Variants in ABHD17B observed in about 807,000 individuals in gnomAD.
ABHD17B encodes alpha/beta hydrolase domain-containing protein 17B.
In ABHD17B, 9 loss-of-function variants were observed where a neutral mutation model predicts 26.2. The ratio of observed to expected loss-of-function variants is 0.34; its 90% CI spans 0.21 to 0.60. The LOEUF (loss-of-function observed/expected upper bound fraction) is 0.60, where lower values mean the gene tolerates loss of function less well. Ranked by LOEUF, ABHD17B falls within the 20% of genes least tolerant of loss-of-function variation. The pLI is 0.80. For missense variants in ABHD17B, 224 were observed against 352.1 expected (o/e 0.64, Z 2.91); for synonymous variants, 127 against 122.3 (o/e 1.04, Z -0.25).
At chr9:71,907,510 T>C (rs1827319845) in intron 1 of ABHD17B, among the ~76,000 whole-genome samples, 1 of 151,974 alleles carries the variant, frequency 6.6e-6, no homozygotes, top group South Asian at 2.1e-4. Flanking sequence ...GAAACCTCGT[T>C]TTTTGTTTTT....
chr9:71,868,253 C>G (rs974548844), intron 3 of ABHD17B, among the ~76,000 whole-genome samples: 2 of 151,748 alleles, frequency 1.3e-5, no homozygotes, highest in Non-Finnish European at 2.9e-5. Flanking sequence ...AAAGAAAGAG[C>G]CTTCTTTGGA....
intron 1 of ABHD17B, among the ~76,000 whole-genome samples, chr9:71,889,018 A>T (rs1412530636): frequency 6.8e-6 from 1 of 146,244 alleles, no homozygotes; most frequent in Non-Finnish European, 1.5e-5. Flanking sequence ...GACAAAGTTT[A>T]AAAAAAAAAA....
intron 1 of ABHD17B, among the ~76,000 whole-genome samples, chr9:71,882,872 G>A (rs531189241): frequency 5.6e-4 from 85 of 152,104 alleles, no homozygotes; most frequent in African/African-American, 1.9e-3. Flanking sequence ...ATTGCCGGGC[G>A]CAGTGGTTCA....
chr9:71,874,802 A>C lies in ABHD17B; in HGVS notation c.279T>G (p.Thr93=). ...CAGCATTTCCATGTGAGAAGAGTAAAGTGTATTTCGCATTGGGTGAACAAC... is the reference window on the plus strand; with the variant it reads ...CAGCATTTCCATGTGAGAAGAGTAACGTGTATTTCGCATTGGGTGAACAAC... ...FVRCSPNAKY[T]LLFSHGNAVD... Residue 93 remains threonine, a synonymous_variant, in exon 2 of 4, where the codon ACT becomes ACG. Coordinates refer to ENST00000333421, the MANE Select transcript of ABHD17B (RefSeq NM_001025780.3). 6.2e-7 allele frequency: 1 copy of C among 1,614,212 alleles called. No individual in the cohort carries two copies. Among genetic ancestry groups the C allele is most frequent in the Non-Finnish European group, 8.5e-7 (1 of 1,180,024 alleles).
intron 1 of ABHD17B, among the ~76,000 whole-genome samples, chr9:71,879,635 A>T (rs1349764672): frequency 6.6e-6 from 1 of 152,218 alleles, no homozygotes; most frequent in Non-Finnish European, 1.5e-5. Flanking sequence ...AAGAGCAGAT[A>T]TCAACAAAAC....
chr9:71,894,717 T>C lies in ABHD17B; in HGVS notation c.-4+15917A>G, dbSNP rs182397429. On this transcript the variant is annotated intron_variant, in intron 1 of 3. Coordinates refer to ENST00000333421, the MANE Select transcript of ABHD17B (RefSeq NM_001025780.3). ...AGGTGTGGTGGCTCATGCCAGCTACTTGGGTGGCTGAGGTAGGAGAATACT... is the reference window on the plus strand; with the variant it reads ...AGGTGTGGTGGCTCATGCCAGCTACCTGGGTGGCTGAGGTAGGAGAATACT... Among the ~76,000 whole-genome samples the C allele has an allele frequency of 5.4e-3, 815 of 152,240 alleles. 6 individuals carry two copies. Among genetic ancestry groups the C allele is most frequent in the African/African-American group, 0.019 (774 of 41,528 alleles).
chr9:71,900,638 T>A (rs1416612101), intron 1 of ABHD17B, among the ~76,000 whole-genome samples: 3 of 110,000 alleles, frequency 2.7e-5, no homozygotes, highest in Non-Finnish European at 5.3e-5. Flanking sequence ...GGCGACAGAG[T>A]GAGACTCCAT....
chr9:71,905,668 T>A (rs937748475), intron 1 of ABHD17B, among the ~76,000 whole-genome samples: 3 of 152,172 alleles, frequency 2.0e-5, no homozygotes, highest in African/African-American at 7.2e-5. Flanking sequence ...TTGGCTACTA[T>A]AATGAATGAG....
downstream of ABHD17B, among the ~76,000 whole-genome samples, chr9:71,862,995 T>C (rs1310348460): frequency 1.3e-5 from 2 of 151,738 alleles, no homozygotes; most frequent in Admixed American, 6.6e-5. Flanking sequence ...TATATATTTA[T>C]AGAAATCACC....
At chr9:71,910,359 C>CT (rs1491167777) in intron 1 of ABHD17B, among the ~76,000 whole-genome samples, 1 of 152,002 alleles carries the variant, frequency 6.6e-6, no homozygotes, top group Non-Finnish European at 1.5e-5. Flanking sequence ...CCCCCACCCC[C>CT]TGACTCCGGC....
intron 1 of ABHD17B, among the ~76,000 whole-genome samples, chr9:71,892,985 G>A (rs1263846316): frequency 2.0e-5 from 3 of 152,098 alleles, no homozygotes; most frequent in African/African-American, 7.2e-5. Flanking sequence ...TTGTCTCTAT[G>A]AATTTGACTA....
chr9:71,872,952 G>T (rs1294686830), intron 2 of ABHD17B, among the ~76,000 whole-genome samples: 1 of 151,600 alleles, frequency 6.6e-6, no homozygotes, highest in Non-Finnish European at 1.5e-5. Flanking sequence ...TTCGCTATGA[G>T]AGCATAACTT....
Position 71,906,952 on chromosome 9 carries a change from C to T in ABHD17B, c.-4+3682G>A, listed in dbSNP as rs188134044. On this transcript the variant is annotated intron_variant, in intron 1 of 3. Transcript: ENST00000333421. ...CTAATCTTGAATGTAGTCTTGAGCTCGAGTATTTACAAAGTGAAACACATA... is the reference window on the plus strand; with the variant it reads ...CTAATCTTGAATGTAGTCTTGAGCTTGAGTATTTACAAAGTGAAACACATA... Among the ~76,000 whole-genome samples the T allele has an allele frequency of 1.6e-3, 237 of 152,190 alleles. 1 individual carries two copies. Among genetic ancestry groups the T allele is most frequent in the Non-Finnish European group, 2.4e-4 (16 of 68,030 alleles).
At chr9:71,862,590 T>C, downstream of ABHD17B, 1 of 1,371,764 alleles carries the variant, frequency 7.3e-7, no homozygotes, top group African/African-American at 1.4e-5. Flanking sequence ...ATCACTTCCC[T>C]TCTTTATGTT....
chr9:71,874,221 G>A (rs2132136905), intron 2 of ABHD17B, among the ~76,000 whole-genome samples: 1 of 149,624 alleles, frequency 6.7e-6, no homozygotes, highest in South Asian at 2.1e-4. Context: ...GTCTGACGCT[G>A]TCACTCAGGC....
chr9:71,894,436 C>T (rs966010022), intron 1 of ABHD17B, among the ~76,000 whole-genome samples: 1 of 152,118 alleles, frequency 6.6e-6, no homozygotes, highest in African/African-American at 2.4e-5. Context: ...ACCTCTGCCT[C>T]CTGGGTTCAA....
intron 1 of ABHD17B, 85 bp downstream of exon 1, chr9:71,910,549 C>G (rs1215335028): frequency 2.6e-5 from 4 of 152,286 alleles, no homozygotes; most frequent in Middle Eastern, 3.2e-3. Flanking sequence ...GGCCCGGGCT[C>G]GTCCCTCCCG....
chr9:71,865,268 C>A lies in ABHD17B; in HGVS notation c.*1519G>T. On this transcript the variant is annotated 3_prime_UTR_variant, in exon 4 of 4. Coordinates refer to ENST00000333421, the MANE Select transcript of ABHD17B (RefSeq NM_001025780.3). Reference sequence around the variant, plus strand: ...TATAGTCTTAAACATAACCACGGAACGAGCAGAACAATTAAAACTACATAA... The same window carrying A: ...TATAGTCTTAAACATAACCACGGAAAGAGCAGAACAATTAAAACTACATAA... The A allele has an allele frequency of 2.0e-6, 2 of 985,534 alleles. No homozygotes were observed. The highest frequency in any genetic ancestry group is 2.4e-6 in the Non-Finnish European group (2 of 829,772). The allele number at this position is 985,534 out of a possible 1,614,324, so 61.0% of individuals were successfully genotyped here. A position where few individuals can be genotyped will look rare whatever the true frequency, so the allele number is the denominator to read the frequency against.
chr9:71,904,525 A>T (rs1827228203), intron 1 of ABHD17B, among the ~76,000 whole-genome samples: 1 of 152,246 alleles, frequency 6.6e-6, no homozygotes, highest in South Asian at 2.1e-4. Flanking sequence ...TATCATTTTT[A>T]AAATCCTAGC....
Sources: gnomAD v4.1 joint callset for allele counts (sites outside exome capture counted in the v4.1 genomes callset) on GRCh38, gnomAD v4.1.1 for gene constraint, MANE v1.5 for transcripts, NCBI Gene and HGNC (gene_info 2026-07-23, HGNC 2026-07-21) for gene names.